Variants in FAM47E observed in about 807,000 individuals in gnomAD.
FAM47E encodes protein FAM47E.
FAM47E carries 32 observed loss-of-function variants against 41.6 expected under a neutral mutation model. The ratio of observed to expected loss-of-function variants is 0.77; its 90% CI spans 0.58 to 1.03. FAM47E has a LOEUF of 1.03. Among genes scored for constraint, FAM47E ranks in the 50% least tolerant of loss-of-function variants. The pLI, the probability that FAM47E is intolerant of heterozygous loss-of-function variation, is 0.00. For missense variants in FAM47E, 424 were observed against 485.4 expected, an observed-to-expected ratio of 0.87 and a Z score of 1.19; for synonymous variants, 184 against 188.7, an observed-to-expected ratio of 0.98 and a Z score of 0.20.
At position 76,230,617 on chromosome 4, in the gene FAM47E, C is replaced by G. The variant is rs113865511; in HGVS notation, c.81+12929C>G. Among the ~76,000 whole-genome samples, 879 of 152,302 alleles carry G rather than the reference C, an allele frequency of 5.8e-3. 11 individuals are homozygous for G. The highest frequency in any genetic ancestry group is 0.02 in the African/African-American group (831 of 41,562). ...TAAAGTTCAGTTTGAAGCTTCCCTT[C>G]TCTTCCTAGCAGATATCTGGGGTAT... On this transcript the variant is annotated intron_variant, in intron 2 of 7. Coordinates refer to the FAM47E transcript ENST00000510197.
At chr4:76,228,135 A>G (rs1024398017) in intron 2 of FAM47E, among the ~76,000 whole-genome samples, 1 of 150,484 alleles carries the variant, frequency 6.6e-6, no homozygotes, top group Admixed American at 6.6e-5. Context: ...TGCAAGATTT[A>G]TGCTCTAAGG....
intron 2 of FAM47E, among the ~76,000 whole-genome samples, chr4:76,224,230 G>T (rs529692839): frequency 6.6e-6 from 1 of 152,298 alleles, no homozygotes; most frequent in South Asian, 2.1e-4. Flanking sequence ...GTCACACATA[G>T]TTCATCCGAA....
intron 1 of FAM47E, among the ~76,000 whole-genome samples, chr4:76,254,431 T>G (rs1045708610): frequency 6.6e-6 from 1 of 152,188 alleles, no homozygotes; most frequent in Admixed American, 6.5e-5. Context: ...TAGATGTAAT[T>G]TCAGCATCTT....
At chr4:76,234,874 T>C (rs976872538) in intron 2 of FAM47E, among the ~76,000 whole-genome samples, 6 of 152,156 alleles carry the variant, frequency 3.9e-5, no homozygotes, top group African/African-American at 7.2e-5. Context: ...CCAGCTAGGA[T>C]TGTGCCACTG....
chr4:76,264,575 G>A (rs1350025029), intron 3 of FAM47E, among the ~76,000 whole-genome samples: 2 of 151,948 alleles, frequency 1.3e-5, no homozygotes, highest in Non-Finnish European at 2.9e-5. Context: ...GACACAAATA[G>A]ATTTGGGATA....
At chr4:76,227,556 T>G (rs1733419237) in intron 2 of FAM47E, among the ~76,000 whole-genome samples, 2 of 152,328 alleles carry the variant, frequency 1.3e-5, no homozygotes, top group South Asian at 2.1e-4. Context: ...ATCTGGGGTA[T>G]AGTTTCAGTC....
At chr4:76,262,206 G>C (rs1734447622) in intron 2 of FAM47E, among the ~76,000 whole-genome samples, 1 of 152,152 alleles carries the variant, frequency 6.6e-6, no homozygotes, top group Non-Finnish European at 1.5e-5. Context: ...TTTAAAAAGA[G>C]CAGTGCATGT....
At chr4:76,238,735 TAC>T (rs1733639690) in intron 2 of FAM47E, among the ~76,000 whole-genome samples, 1 of 152,218 alleles carries the variant, frequency 6.6e-6, no homozygotes, top group Admixed American at 6.5e-5. Flanking sequence ...ATTGTTTATT[TAC>T]CACAATTTTT....
chr4:76,260,391 T>G (rs34034456), intron 2 of FAM47E, among the ~76,000 whole-genome samples: 85,551 of 151,858 alleles, frequency 0.56, 24,717 homozygotes, highest in Middle Eastern at 0.65. Flanking sequence ...ACAGAATAGA[T>G]AACCCAGAAA....
intron 2 of FAM47E, among the ~76,000 whole-genome samples, chr4:76,218,874 A>G (rs1446788386): frequency 1.3e-5 from 2 of 152,340 alleles, no homozygotes; most frequent in African/African-American, 2.4e-5. Flanking sequence ...CTACTTGTAC[A>G]TAGTACTTGT....
intron 3 of FAM47E, among the ~76,000 whole-genome samples, chr4:76,264,884 C>G (rs1734564931): frequency 1.3e-5 from 2 of 152,240 alleles, no homozygotes; most frequent in South Asian, 4.1e-4. Flanking sequence ...GCATGAGCCA[C>G]TGGGCCGGGC....
chr4:76,258,461 G>A (rs554282385), intron 2 of FAM47E, among the ~76,000 whole-genome samples: 3 of 152,302 alleles, frequency 2.0e-5, no homozygotes, highest in African/African-American at 7.2e-5. Flanking sequence ...AGATATTCAT[G>A]CGAGGGAAAG....
chr4:76,223,106 A>C (rs1114091), intron 2 of FAM47E, among the ~76,000 whole-genome samples: 2 of 151,912 alleles, frequency 1.3e-5, no homozygotes, highest in Admixed American at 1.3e-4. Flanking sequence ...GCAGATGTCA[A>C]CCTCTTGTCA....
intron 2 of FAM47E, among the ~76,000 whole-genome samples, chr4:76,229,502 C>T (rs76971852): frequency 0.053 from 8,068 of 152,240 alleles, 253 homozygotes; most frequent in Middle Eastern, 0.09. Context: ...AACTCAAGGC[C>T]GCTGTTCAGA....
upstream of FAM47E, among the ~76,000 whole-genome samples, chr4:76,248,988 A>G (rs1335337598): frequency 1.3e-5 from 2 of 152,192 alleles, no homozygotes; most frequent in African/African-American, 4.8e-5. Context: ...AAACACTATT[A>G]TATATTCCAG....
chr4:76,231,614 A>G (rs1329617230), intron 2 of FAM47E, among the ~76,000 whole-genome samples: 1 of 152,234 alleles, frequency 6.6e-6, no homozygotes, highest in Non-Finnish European at 1.5e-5. Context: ...TTATTTGCAT[A>G]AAGTACAGCA....
At chr4:76,239,932 G>T (rs752835409) in intron 2 of FAM47E, among the ~76,000 whole-genome samples, 1 of 152,108 alleles carries the variant, frequency 6.6e-6, no homozygotes, top group African/African-American at 2.4e-5. Context: ...GGGTCCAACT[G>T]TATTCTTTTG....
upstream of FAM47E, among the ~76,000 whole-genome samples, chr4:76,250,099 T>C (rs1049559714): frequency 2.2e-4 from 34 of 152,154 alleles, no homozygotes; most frequent in African/African-American, 8.0e-4. Context: ...CTGGATGAAA[T>C]GGTAGATCCA....
upstream of FAM47E, chr4:76,251,707 C>T (rs1733968519): frequency 6.9e-7 from 1 of 1,443,058 alleles, no homozygotes; most frequent in Non-Finnish European, 9.1e-7. Flanking sequence ...GGCACACACA[C>T]CGCCCAAGCC....
Sources: gnomAD v4.1 joint callset for allele counts (sites outside exome capture counted in the v4.1 genomes callset) on GRCh38, gnomAD v4.1.1 for gene constraint, MANE v1.5 for transcripts, NCBI Gene and HGNC (gene_info 2026-07-23, HGNC 2026-07-21) for gene names.